STAU1: variants seen among roughly 807,000 people sequenced by gnomAD.
STAU1 encodes the protein staufen double-stranded RNA binding protein 1.
In STAU1, 13 loss-of-function variants were observed where a neutral mutation model predicts 62.9. The observed-to-expected ratio is 0.21, with a 90% confidence interval of 0.13 to 0.33. The LOEUF is 0.33. Among genes scored for constraint, STAU1 ranks in the 10% least tolerant of loss-of-function variants. STAU1 has a pLI of 1.00. For missense variants in STAU1, 571 were observed against 712.1 expected (o/e 0.80, Z 2.25); for synonymous variants, 269 against 265.1 (o/e 1.01, Z -0.14).
the STAU1 span, among the ~76,000 whole-genome samples, chr20:49,198,973 C>T: frequency 2.7e-5 from 4 of 149,124 alleles, no homozygotes; most frequent in African/African-American, 9.9e-5. Flanking sequence ...GTCCCCCTGC[C>T]CCCCCGCCAA....
intron 8 of STAU1, among the ~76,000 whole-genome samples, chr20:49,121,612 A>G (rs1255628096): frequency 2.0e-5 from 3 of 151,690 alleles, no homozygotes; most frequent in Admixed American, 6.6e-5. Flanking sequence ...AATAAAGTGT[A>G]TATTATTTAT....
chr20:49,211,294 ATTTG>A, the STAU1 span, among the ~76,000 whole-genome samples: 2 of 150,660 alleles, frequency 1.3e-5, no homozygotes, highest in South Asian at 2.1e-4. Flanking sequence ...GTGTACAAGG[ATTTG>A]TTTGAGTCCT....
chr20:49,150,481 C>A (rs943142247), intron 5 of STAU1, among the ~76,000 whole-genome samples: 6 of 152,006 alleles, frequency 3.9e-5, no homozygotes, highest in Non-Finnish European at 8.8e-5. Flanking sequence ...CCTGCCTCAG[C>A]CTCTCGAATA....
the STAU1 span, among the ~76,000 whole-genome samples, chr20:49,201,089 A>G: frequency 2.2e-5 from 3 of 139,504 alleles, no homozygotes; most frequent in Non-Finnish European, 4.8e-5. Flanking sequence ...AGAAGAAGAA[A>G]AGAAAAGAAA....
At chr20:49,139,442 C>T (rs1176413496) in intron 5 of STAU1, among the ~76,000 whole-genome samples, 1 of 152,066 alleles carries the variant, frequency 6.6e-6, no homozygotes, top group African/African-American at 2.4e-5. Context: ...TACAAATAGT[C>T]GGCTGGGCAC....
At chr20:49,200,600 CAAAA>C in the STAU1 span, among the ~76,000 whole-genome samples, 2 of 141,828 alleles carry the variant, frequency 1.4e-5, no homozygotes, top group African/African-American at 5.2e-5. Context: ...GACTCCGTCT[CAAAA>C]AAAAAACAAA....
At chr20:49,195,535 C>CAAAAAAAAAAA in the STAU1 span, among the ~76,000 whole-genome samples, 301 of 38,122 alleles carry the variant, frequency 7.9e-3, 34 homozygotes, top group Admixed American at 0.013. Flanking sequence ...GACTCCGTCT[C>CAAAAAAAAAAA]AAAAAAAAAA....
chr20:49,135,771 C>G, intron 6 of STAU1, 62 bp downstream of exon 6: 2 of 1,264,828 alleles, frequency 1.6e-6, no homozygotes. Context: ...GAAAAAATAA[C>G]TCTTATGATG....
intron 3 of STAU1, among the ~76,000 whole-genome samples, chr20:49,162,531 T>C (rs536989363): frequency 3.2e-4 from 49 of 152,110 alleles, no homozygotes; most frequent in Non-Finnish European, 4.0e-4. Flanking sequence ...TCCCAACACT[T>C]TGGGAGGCCG....
intron 5 of STAU1, among the ~76,000 whole-genome samples, chr20:49,150,616 C>T (rs922999664): frequency 5.3e-5 from 8 of 152,272 alleles, no homozygotes; most frequent in Admixed American, 5.2e-4. Context: ...CCGCCTTGGC[C>T]TCCCAAAGTG....
At chr20:49,179,571 T>C (rs2093699771) in intron 1 of STAU1, among the ~76,000 whole-genome samples, 1 of 152,224 alleles carries the variant, frequency 6.6e-6, no homozygotes, top group Non-Finnish European at 1.5e-5. Flanking sequence ...TATTATTACA[T>C]ATAAATTGTT....
chr20:49,207,904 G>A, the STAU1 span, among the ~76,000 whole-genome samples: 1 of 151,124 alleles, frequency 6.6e-6, no homozygotes, highest in Non-Finnish European at 1.5e-5. Flanking sequence ...ATTTTGAGAT[G>A]GAGTCTCGCT....
intron 1 of STAU1, among the ~76,000 whole-genome samples, chr20:49,180,330 T>TC (rs1280043331): frequency 2.4e-5 from 2 of 81,762 alleles, no homozygotes; most frequent in Non-Finnish European, 5.2e-5. Context: ...TTTTTTTTTT[T>TC]TTCCCCCCCT....
At chr20:49,207,935 C>T in the STAU1 span, among the ~76,000 whole-genome samples, 15 of 152,030 alleles carry the variant, frequency 9.9e-5, no homozygotes, top group Non-Finnish European at 1.6e-4. Flanking sequence ...GGCTGGAGTG[C>T]GGTGGCATGA....
chr20:49,192,412 T>A, upstream of STAU1, among the ~76,000 whole-genome samples: 1 of 146,122 alleles, frequency 6.8e-6, no homozygotes, highest in African/African-American at 2.5e-5. Flanking sequence ...TACAAAGCAG[T>A]GGAAAAATAA....
At chr20:49,195,926 A>AAAAAAGAG in the STAU1 span, among the ~76,000 whole-genome samples, 62 of 27,932 alleles carry the variant, frequency 2.2e-3, no homozygotes, top group Middle Eastern at 0.071. Context: ...AAGAAAAAAG[A>AAAAAAGAG]AAAAAAAAAA....
chr20:49,134,448 A>AAAAAAAAAAAAAAAAAAAAAAAAAAAG, intron 6 of STAU1: 1 of 625,656 alleles, frequency 1.6e-6, no homozygotes. Context: ...AAAAAAAAAA[A>AAAAAAAAAAAAAAAAAAAAAAAAAAAG]AGCTCTGGGT....
chr20:49,125,071 TAAAAA>T (rs11473077), intron 6 of STAU1, among the ~76,000 whole-genome samples: 5 of 83,852 alleles, frequency 6.0e-5, no homozygotes, highest in Admixed American at 1.6e-4. Context: ...ACACATTAAG[TAAAAA>T]AAAAAAAAAA....
At chr20:49,214,440 C>T in the STAU1 span, among the ~76,000 whole-genome samples, 2 of 151,820 alleles carry the variant, frequency 1.3e-5, no homozygotes, top group East Asian at 1.9e-4. Context: ...ACCGCTTGAA[C>T]CCGGGAGGCA....
Sources: gnomAD v4.1 joint callset for allele counts (sites outside exome capture counted in the v4.1 genomes callset) on GRCh38, gnomAD v4.1.1 for gene constraint, MANE v1.5 for transcripts, NCBI Gene and HGNC (gene_info 2026-07-23, HGNC 2026-07-21) for gene names.